The following CELF2 variants were observed in gnomAD, a reference collection of about 807,000 sequenced individuals.
CELF2 encodes the protein CUG triplet repeat RNA-binding protein 2.
In CELF2, 8 loss-of-function variants were observed where a neutral mutation model predicts 62.6. The ratio of observed to expected loss-of-function variants is 0.13; its 90% CI spans 0.07 to 0.23. The LOEUF (loss-of-function observed/expected upper bound fraction) is 0.23. CELF2 is among the 10% of genes least tolerant of loss of function. The pLI is 1.00. For missense variants in CELF2, 333 were observed against 671.0 expected (o/e 0.50, Z 5.56); for synonymous variants, 258 against 250.0 (o/e 1.03, Z -0.30).
the CELF2 span, among the ~76,000 whole-genome samples, chr10:10,538,501 T>A: frequency 2.6e-5 from 4 of 152,222 alleles, no homozygotes; most frequent in Admixed American, 6.5e-5. Context: ...CTCCTGCAGC[T>A]CCCTCTCTGT....
At chr10:10,738,992 G>C in the CELF2 span, among the ~76,000 whole-genome samples, 1 of 152,100 alleles carries the variant, frequency 6.6e-6, no homozygotes, top group Non-Finnish European at 1.5e-5. Context: ...TGTGTACTGT[G>C]CTACCAACTT....
chr10:10,600,911 A>G, the CELF2 span, among the ~76,000 whole-genome samples: 1 of 152,214 alleles, frequency 6.6e-6, no homozygotes, highest in Non-Finnish European at 1.5e-5. Context: ...TGAAGCACAG[A>G]GAGGTGCAGT....
chr10:10,549,734 G>T, the CELF2 span, among the ~76,000 whole-genome samples: 1 of 152,184 alleles, frequency 6.6e-6, no homozygotes, highest in East Asian at 1.9e-4. Context: ...CACCCTAAAG[G>T]CCTCAATTTA....
chr10:10,800,237 G>A (rs1211604062), intron 1 of CELF2, among the ~76,000 whole-genome samples: 1 of 152,186 alleles, frequency 6.6e-6, no homozygotes, highest in Admixed American at 6.5e-5. Flanking sequence ...ACATCAGGTA[G>A]TATGTGCTAT....
chr10:10,467,737 C>T, the CELF2 span, among the ~76,000 whole-genome samples: 1 of 151,884 alleles, frequency 6.6e-6, no homozygotes, highest in African/African-American at 2.4e-5. Flanking sequence ...TGTAGTTGTT[C>T]TTTAATTTCT....
the CELF2 span, among the ~76,000 whole-genome samples, chr10:10,618,402 C>T: frequency 1.3e-5 from 2 of 152,070 alleles, no homozygotes; most frequent in Non-Finnish European, 2.9e-5. Flanking sequence ...CTTGCCAGAT[C>T]CTCAGACTTC....
the CELF2 span, among the ~76,000 whole-genome samples, chr10:10,679,102 T>C: frequency 6.6e-6 from 1 of 152,182 alleles, no homozygotes; most frequent in Non-Finnish European, 1.5e-5. Flanking sequence ...TAGCATATTG[T>C]TGTAAAAAGC....
intron 1 of CELF2, among the ~76,000 whole-genome samples, chr10:10,872,223 T>C (rs1436975224): frequency 6.6e-6 from 1 of 152,228 alleles, no homozygotes; most frequent in Non-Finnish European, 1.5e-5. Flanking sequence ...TGGGTTGCTA[T>C]GATTGTATCC....
the CELF2 span, among the ~76,000 whole-genome samples, chr10:10,518,865 G>A: frequency 3.3e-5 from 5 of 152,192 alleles, no homozygotes; most frequent in Non-Finnish European, 5.9e-5. Flanking sequence ...ATTTATTCAT[G>A]TAATTGGGAC....
the CELF2 span, among the ~76,000 whole-genome samples, chr10:10,707,196 CA>C: frequency 6.6e-6 from 1 of 152,156 alleles, no homozygotes; most frequent in Non-Finnish European, 1.5e-5. Context: ...CTATAAATAA[CA>C]AGTCAATTTT....
the CELF2 span, among the ~76,000 whole-genome samples, chr10:10,663,877 C>T: frequency 4.6e-4 from 70 of 152,222 alleles, no homozygotes; most frequent in Admixed American, 1.4e-3. Context: ...AGTTTACTAC[C>T]GGTAGTTAAC....
chr10:11,281,688 G>T (rs2088839950), intron 8 of CELF2, among the ~76,000 whole-genome samples: 1 of 152,182 alleles, frequency 6.6e-6, no homozygotes, highest in South Asian at 2.1e-4. Context: ...GGGAGATGAT[G>T]GCTGCAGTGA....
chr10:10,901,161 C>T (rs568186461), intron 1 of CELF2, among the ~76,000 whole-genome samples: 32 of 152,208 alleles, frequency 2.1e-4, no homozygotes, highest in Admixed American at 3.3e-4. Flanking sequence ...GAGGATTTTT[C>T]GGTAGAATTT....
intron 8 of CELF2, among the ~76,000 whole-genome samples, chr10:11,278,915 G>A (rs1034877631): frequency 6.6e-6 from 1 of 152,190 alleles, no homozygotes; most frequent in Non-Finnish European, 1.5e-5. Flanking sequence ...CTAGTAGGTG[G>A]CAGGACCAAG....
At chr10:10,638,854 A>T in the CELF2 span, among the ~76,000 whole-genome samples, 1 of 152,212 alleles carries the variant, frequency 6.6e-6, no homozygotes, top group Admixed American at 6.5e-5. Flanking sequence ...ATAAAATGTC[A>T]GTTTCCTACC....
At chr10:11,284,112 T>C (rs1329204202) in intron 8 of CELF2, among the ~76,000 whole-genome samples, 1 of 67,376 alleles carries the variant, frequency 1.5e-5, no homozygotes, top group Non-Finnish European at 3.0e-5. Context: ...TGGATGACTG[T>C]GTGGTAGGTG....
the CELF2 span, among the ~76,000 whole-genome samples, chr10:10,513,702 G>T: frequency 6.6e-6 from 1 of 152,024 alleles, no homozygotes; most frequent in East Asian, 1.9e-4. Flanking sequence ...ATTATACAGC[G>T]TTGACTTTTT....
At chr10:11,140,650 TATTTAAG>T (rs2061196117) in intron 1 of CELF2, among the ~76,000 whole-genome samples, 1 of 152,224 alleles carries the variant, frequency 6.6e-6, no homozygotes, top group African/African-American at 2.4e-5. Context: ...TAAATTTCGC[TATTTAAG>T]ATTTAATACT....
intron 1 of CELF2, among the ~76,000 whole-genome samples, chr10:11,111,337 T>C (rs1036369535): frequency 1.3e-5 from 2 of 152,244 alleles, no homozygotes; most frequent in Admixed American, 6.5e-5. Flanking sequence ...AAAAGTAAAG[T>C]AGCTTCATAG....
Sources: gnomAD v4.1 joint callset for allele counts (sites outside exome capture counted in the v4.1 genomes callset) on GRCh38, gnomAD v4.1.1 for gene constraint, MANE v1.5 for transcripts, NCBI Gene and HGNC (gene_info 2026-07-23, HGNC 2026-07-21) for gene names.